The following ANKS1B variants were observed in gnomAD, a reference collection of about 807,000 sequenced individuals.
The protein encoded by ANKS1B is ankyrin repeat and sterile alpha motif domain-containing protein 1B.
Under a neutral mutation model 148.3 loss-of-function variants are expected in ANKS1B, and 36 were observed. The observed-to-expected ratio is 0.24, with a 90% CI of 0.19 to 0.32. The LOEUF (loss-of-function observed/expected upper bound fraction) is 0.32. Among genes scored for constraint, ANKS1B ranks in the 10% least tolerant of loss-of-function variants. ANKS1B has a pLI of 1.00. For missense variants in ANKS1B, 1,157 were observed against 1,542.6 expected, an observed-to-expected ratio of 0.75 and a Z score of 4.19; for synonymous variants, 542 against 560.8, an observed-to-expected ratio of 0.97 and a Z score of 0.47.
chr12:98,849,628 G>C lies in ANKS1B; in HGVS notation c.2779-17492C>G, dbSNP rs533486307. On this transcript the variant is annotated intron_variant, in intron 17 of 26. Coordinates refer to ENST00000683438, the MANE Select transcript of ANKS1B (RefSeq NM_001352186.2). ...CATGAATTTCAGAGAAAAAAGTTTT[G>C]CATCTAGCTAGGAACTTAATAAAAT... 2.0e-5 allele frequency among the ~76,000 whole-genome samples: 3 copies of C among 152,190 alleles called. No individual in the cohort carries two copies. The East Asian group carries it at 5.8e-4, about 29-fold the overall frequency.
At chr12:98,854,429 A>G (rs1369974400) in intron 17 of ANKS1B, among the ~76,000 whole-genome samples, 1 of 152,244 alleles carries the variant, frequency 6.6e-6, no homozygotes, top group South Asian at 2.1e-4. Context: ...AATATGACTG[A>G]AAAATCACAT....
chr12:98,891,872 C>T lies in ANKS1B; in HGVS notation c.2779-59736G>A, dbSNP rs149621955. On this transcript the variant is annotated intron_variant, in intron 17 of 26. Transcript: ENST00000683438. ...GGTAGTCAACTGGAGCCTATTCACA[C>T]TTCTGTTAATTACTGGTGGTCCATG... Among the ~76,000 whole-genome samples the T allele has an allele frequency of 5.1e-3, 775 of 152,286 alleles. 9 individuals are homozygous for T. Among genetic ancestry groups the T allele is most frequent in the African/African-American group, 0.018 (737 of 41,538 alleles).
In ANKS1B at chr12:99,625,192, C is replaced by A. The variant is rs1025460439; in HGVS notation, c.1272+29875G>T. ...TCTTCTCATAAAGCGGGAGTTAAAT[C>A]TTGGGTACACATGAACAAAAACATG... On this transcript the variant is annotated intron_variant, in intron 9 of 26. Coordinates refer to ENST00000683438, the MANE Select transcript of ANKS1B (RefSeq NM_001352186.2). Among the ~76,000 whole-genome samples, 6 of 151,932 alleles carry A rather than the reference C, an allele frequency of 3.9e-5. No individual in the cohort carries two copies. In the East Asian group the frequency reaches 1.2e-3, roughly 29 times the overall value.
intron 14 of ANKS1B, among the ~76,000 whole-genome samples, chr12:99,173,169 C>A (rs1048684665): frequency 6.6e-6 from 1 of 152,074 alleles, no homozygotes; most frequent in East Asian, 1.9e-4. Context: ...TCATCTTAGC[C>A]TATTTTAACT....
At chr12:99,964,723 G>A (rs2095463548) in intron 1 of ANKS1B, among the ~76,000 whole-genome samples, 1 of 152,232 alleles carries the variant, frequency 6.6e-6, no homozygotes, top group Non-Finnish European at 1.5e-5. Flanking sequence ...GGGTGACCTA[G>A]TGCAGGGGGA....
intron 12 of ANKS1B, among the ~76,000 whole-genome samples, chr12:99,360,727 C>A (rs1268602378): frequency 6.6e-6 from 1 of 152,106 alleles, no homozygotes; most frequent in Non-Finnish European, 1.5e-5. Flanking sequence ...GAACAACTGA[C>A]CCACGCCAAG....
chr12:99,821,704 G>C (rs1039522953), intron 2 of ANKS1B, among the ~76,000 whole-genome samples: 1 of 152,008 alleles, frequency 6.6e-6, no homozygotes, highest in Non-Finnish European at 1.5e-5. Flanking sequence ...TCAGGCCCAA[G>C]ATATCCTGCC....
rs11313441 is a variant in ANKS1B, at chr12:98,944,302, C to CAAAAAAAAAAAAAA, written c.2778+108841_2778+108854dup. ...GTGACAAGAGCGAAACTCCACCTCA[C>CAAAAAAAAAAAAAA]AAAAAAAAAAAAAAAAAAAGCCTAG... On this transcript the variant is annotated intron_variant, in intron 17 of 26. Transcript: ENST00000683438. Among the ~76,000 whole-genome samples the CAAAAAAAAAAAAAA allele has an allele frequency of 4.5e-5, 4 of 88,046 alleles. No individual in the cohort carries two copies. The East Asian group carries it at 1.1e-3, about 24-fold the overall frequency. 57.8% of individuals were successfully genotyped at this position (88,046 alleles called of 152,430 possible).
chr12:99,892,235 C>T (rs1369883251), intron 1 of ANKS1B, among the ~76,000 whole-genome samples: 1 of 152,016 alleles, frequency 6.6e-6, no homozygotes, highest in Non-Finnish European at 1.5e-5. Context: ...GATCTCCTGA[C>T]CTCGTGATCT....
intron 8 of ANKS1B, among the ~76,000 whole-genome samples, chr12:99,766,623 T>G (rs1318141384): frequency 6.6e-6 from 1 of 152,160 alleles, no homozygotes. Context: ...ATTTCCAACC[T>G]TAGTTGAATC....
At chr12:98,890,853 C>G (rs1206574261) in intron 17 of ANKS1B, among the ~76,000 whole-genome samples, 3 of 152,234 alleles carry the variant, frequency 2.0e-5, no homozygotes, top group Non-Finnish European at 4.4e-5. Flanking sequence ...ATCAAGCACC[C>G]TCCAAATATA....
At chr12:99,244,252 A>G in intron 14 of ANKS1B, 90 bp downstream of exon 14, 2 of 870,092 alleles carry the variant, frequency 2.3e-6, no homozygotes, top group Non-Finnish European at 3.6e-6. Context: ...GTTATAATGA[A>G]AAAAATGCAA....
intron 25 of ANKS1B, among the ~76,000 whole-genome samples, chr12:98,752,263 TC>T (rs1199860158): frequency 6.3e-4 from 63 of 100,196 alleles, no homozygotes; most frequent in African/African-American, 2.5e-3. Flanking sequence ...GCATTTTTTT[TC>T]TTTTTTTTTT....
At chr12:99,023,389 G>T (rs559974797) in intron 17 of ANKS1B, among the ~76,000 whole-genome samples, 1 of 152,012 alleles carries the variant, frequency 6.6e-6, no homozygotes, top group Non-Finnish European at 1.5e-5. Context: ...TTGAATTTTA[G>T]ATAGCTGGGT....
chr12:98,905,453 G>A (rs566763410), intron 17 of ANKS1B, among the ~76,000 whole-genome samples: 58 of 152,238 alleles, frequency 3.8e-4, no homozygotes, highest in Middle Eastern at 3.4e-3. Context: ...AGGGTAGGGC[G>A]GAGGTGCTTT....
intron 9 of ANKS1B, among the ~76,000 whole-genome samples, chr12:99,542,958 A>G (rs1210737818): frequency 6.6e-6 from 1 of 152,130 alleles, no homozygotes; most frequent in Non-Finnish European, 1.5e-5. Flanking sequence ...CACCAAAATA[A>G]CAAGTAACAA....
chr12:99,176,664 G>T (rs532107074), intron 14 of ANKS1B, among the ~76,000 whole-genome samples: 1 of 152,134 alleles, frequency 6.6e-6, no homozygotes, highest in African/African-American at 2.4e-5. Flanking sequence ...TGAATGGCTT[G>T]GGCCATCCCC....
chr12:99,262,059 G>A (rs1191733524), intron 12 of ANKS1B, among the ~76,000 whole-genome samples: 1 of 152,008 alleles, frequency 6.6e-6, no homozygotes, highest in South Asian at 2.1e-4. Context: ...TTCTGCCTGG[G>A]ATTTTCTTCC....
chr12:98,826,475 G>A (rs922657327), intron 19 of ANKS1B, among the ~76,000 whole-genome samples: 3 of 152,012 alleles, frequency 2.0e-5, no homozygotes, highest in Non-Finnish European at 2.9e-5. Context: ...ACCTCAAGAA[G>A]GCAAAACTCC....
Sources: allele counts gnomAD v4.1 joint callset (sites outside exome capture counted in the v4.1 genomes callset), GRCh38; gene constraint gnomAD v4.1.1; transcripts MANE v1.5; gene names NCBI Gene and HGNC (gene_info 2026-07-23, HGNC 2026-07-21).